Variants in MECOM observed in about 807,000 individuals in gnomAD.
The protein encoded by MECOM is MDS1 and EVI1 complex locus.
MECOM carries 13 observed loss-of-function variants against 116.3 expected under a neutral mutation model. The ratio of observed to expected loss-of-function variants is 0.11; its 90% CI spans 0.07 to 0.18. The LOEUF is 0.18. Ranked by LOEUF, MECOM falls within the 10% of genes least tolerant of loss-of-function variation. The pLI, the probability that MECOM is intolerant of heterozygous loss-of-function variation, is 1.00. For missense variants in MECOM, 1,299 were observed against 1,509.0 expected, an observed-to-expected ratio of 0.86 and a Z score of 2.31; for synonymous variants, 528 against 535.2, an observed-to-expected ratio of 0.99 and a Z score of 0.19.
chr3:169,422,906 G>A (rs1740002564), intron 1 of MECOM, among the ~76,000 whole-genome samples: 1 of 151,992 alleles, frequency 6.6e-6, no homozygotes, highest in African/African-American at 2.4e-5. Context: ...TTGAAAATAA[G>A]AGACATGGTA....
chr3:169,209,455 A>G (rs1417321431), intron 2 of MECOM, among the ~76,000 whole-genome samples: 3 of 152,192 alleles, frequency 2.0e-5, no homozygotes, highest in Non-Finnish European at 4.4e-5. Context: ...CAATCTACCC[A>G]TCTGACAAAG....
intron 1 of MECOM, among the ~76,000 whole-genome samples, chr3:169,637,492 A>C (rs955210516): frequency 2.0e-5 from 3 of 152,316 alleles, no homozygotes; most frequent in African/African-American, 7.2e-5. Context: ...GGGTCCCAGG[A>C]ACTTACAGCC....
chr3:169,193,459 T>C (rs79312319), intron 2 of MECOM, among the ~76,000 whole-genome samples: 3 of 151,484 alleles, frequency 2.0e-5, no homozygotes, highest in Non-Finnish European at 4.4e-5. Context: ...GATCTTTGGA[T>C]TTTTTTTTCT....
intron 2 of MECOM, among the ~76,000 whole-genome samples, chr3:169,348,002 A>G (rs1185411672): frequency 6.6e-6 from 1 of 152,016 alleles, no homozygotes; most frequent in Non-Finnish European, 1.5e-5. Flanking sequence ...CCATTCTAAC[A>G]AAGTCCTCTG....
intron 9 of MECOM, among the ~76,000 whole-genome samples, chr3:169,109,856 T>A (rs1427320763): frequency 2.0e-5 from 3 of 152,242 alleles, no homozygotes; most frequent in African/African-American, 7.2e-5. Context: ...AATTATGGAA[T>A]GGGAAGGAAT....
intron 2 of MECOM, among the ~76,000 whole-genome samples, chr3:169,378,448 AGAAG>A (rs1363833774): frequency 0.012 from 763 of 66,156 alleles, 99 homozygotes; most frequent in Admixed American, 0.039. Context: ...AAAGAAAGAA[AGAAG>A]GAAAGCAAGC....
intron 1 of MECOM, among the ~76,000 whole-genome samples, chr3:169,384,915 C>T (rs12492317): frequency 0.059 from 8,906 of 151,990 alleles, 557 homozygotes; most frequent in Admixed American, 0.21. Context: ...CCAGCCTGGG[C>T]AACATGACGA....
intron 7 of MECOM, among the ~76,000 whole-genome samples, chr3:169,117,037 AGTT>A (rs1304471858): frequency 3.3e-5 from 5 of 152,170 alleles, no homozygotes; most frequent in African/African-American, 9.7e-5. Context: ...ATTTATGAAA[AGTT>A]AAATTCCATC....
chr3:169,606,668 G>GCT (rs1371463077), intron 1 of MECOM, among the ~76,000 whole-genome samples: 3 of 152,132 alleles, frequency 2.0e-5, no homozygotes, highest in Admixed American at 2.0e-4. Context: ...AGGAAGCTCT[G>GCT]CTCTGCAAGA....
intron 11 of MECOM, 61 bp downstream of exon 11, chr3:169,101,999 G>A (rs1298487416): frequency 6.6e-7 from 1 of 1,511,052 alleles, no homozygotes; most frequent in Non-Finnish European, 9.0e-7. Context: ...CAAACAGCAA[G>A]ACCTTTTGAA....
In MECOM at chr3:169,250,479, C is replaced by CT. The variant is rs200930404; in HGVS notation, c.376-106648dup. Among the ~76,000 whole-genome samples the CT allele has an allele frequency of 7.0e-3, 1,068 of 152,290 alleles. 9 individuals carry two copies. The highest frequency in any genetic ancestry group is 0.021 in the African/African-American group (859 of 41,572). ...AAAAGGCATATGTTTGACCAACCAG[C>CT]TTTTCTCTTGTTTCTCGAGCAATCA... On this transcript the variant is annotated intron_variant, in intron 2 of 16. Coordinates refer to ENST00000651503, the MANE Select transcript of MECOM (RefSeq NM_004991.4).
intron 1 of MECOM, among the ~76,000 whole-genome samples, chr3:169,492,186 AT>A (rs1753180545): frequency 6.6e-6 from 1 of 152,198 alleles, no homozygotes; most frequent in Non-Finnish European, 1.5e-5. Context: ...TTGAAAATAG[AT>A]ATGAGGCTAT....
At chr3:169,343,770 C>G (rs1019086082) in intron 2 of MECOM, among the ~76,000 whole-genome samples, 3 of 152,038 alleles carry the variant, frequency 2.0e-5, no homozygotes, top group African/African-American at 7.2e-5. Flanking sequence ...ATATTAATTT[C>G]AATAAATCTT....
chr3:169,497,487 A>T (rs1025678721), intron 1 of MECOM, among the ~76,000 whole-genome samples: 1 of 152,042 alleles, frequency 6.6e-6, no homozygotes. Flanking sequence ...CTGGAATTAC[A>T]GGTGCCTGCC....
chr3:169,143,710 C>G lies in MECOM; in HGVS notation c.498G>C (p.Gln166His). Residue 166 changes from glutamine (Q) to histidine (H), a missense_variant, in exon 3 of 17, where the codon CAG becomes CAC. By Grantham distance (24) the Gln-to-His change is conservative. This residue lies in a region of MECOM where 374 missense variants were observed against 433.4 expected (regional missense o/e 0.86). Coordinates refer to ENST00000651503, the MANE Select transcript of MECOM (RefSeq NM_004991.4). Reference protein sequence around the residue: ...CYDQHNLVACQINDQIFYRVV... With the variant: ...CYDQHNLVACHINDQIFYRVV... ...CTTTACAACATACCTGATCATTTAT[C>G]TGGCATGCAACAAGGTTGTGCTGAT... is the stretch of plus-strand genomic sequence containing the variant. 6.3e-7 allele frequency: 1 copy of G among 1,598,984 alleles called. No individual in the cohort carries two copies. The highest frequency in any genetic ancestry group is 8.5e-7 in the Non-Finnish European group (1 of 1,172,890).
intron 1 of MECOM, among the ~76,000 whole-genome samples, chr3:169,539,476 A>G (rs1759797421): frequency 6.6e-6 from 1 of 152,300 alleles, no homozygotes; most frequent in East Asian, 1.9e-4. Flanking sequence ...ATCAAACTCA[A>G]CATGTTCCTG....
chr3:169,285,289 C>T (rs981246621), intron 2 of MECOM, among the ~76,000 whole-genome samples: 2 of 152,130 alleles, frequency 1.3e-5, no homozygotes, highest in African/African-American at 2.4e-5. Context: ...GCTTCTGTGG[C>T]GTTTTGACAG....
chr3:169,443,913 C>T (rs1451373165), intron 1 of MECOM, among the ~76,000 whole-genome samples: 2 of 152,176 alleles, frequency 1.3e-5, no homozygotes, highest in Non-Finnish European at 2.9e-5. Context: ...CCTCCACTCT[C>T]TTGAGGTCTG....
chr3:169,244,808 A>G (rs1402845377), intron 2 of MECOM, among the ~76,000 whole-genome samples: 3 of 152,220 alleles, frequency 2.0e-5, no homozygotes, highest in Non-Finnish European at 4.4e-5. Flanking sequence ...TCCAGATTTC[A>G]GAGAGATCAA....
Sources: allele counts gnomAD v4.1 joint callset (sites outside exome capture counted in the v4.1 genomes callset), GRCh38; gene constraint gnomAD v4.1.1; regional missense constraint gnomAD v4.1.1; transcripts MANE v1.5; gene names NCBI Gene and HGNC (gene_info 2026-07-23, HGNC 2026-07-21).